Variants in PNPLA3 observed in about 807,000 individuals in gnomAD.
PNPLA3 encodes 1-acylglycerol-3-phosphate O-acyltransferase PNPLA3.
PNPLA3 carries 42 observed loss-of-function variants against 43.1 expected under a neutral mutation model. That is an observed-to-expected ratio of 0.97 (90% CI 0.76 to 1.26). PNPLA3 has a LOEUF of 1.26. Among genes scored for constraint, PNPLA3 ranks in the 50% most tolerant of loss-of-function variants. The pLI, the probability that PNPLA3 is intolerant of heterozygous loss-of-function variation, is 0.00. For missense variants in PNPLA3, 647 were observed against 621.4 expected, an observed-to-expected ratio of 1.04 and a Z score of -0.44; for synonymous variants, 272 against 253.6, an observed-to-expected ratio of 1.07 and a Z score of -0.69.
intron 3 of PNPLA3, among the ~76,000 whole-genome samples, chr22:43,929,807 G>T (rs920670310): frequency 6.6e-6 from 1 of 151,946 alleles, no homozygotes; most frequent in African/African-American, 2.4e-5. Flanking sequence ...ATATTGGCCA[G>T]GCTGGTCTCC....
rs769626854 is a variant in PNPLA3, at chr22:43,937,193, G to A, written c.900G>A (p.Glu300=). 3 of 1,614,188 alleles carry A rather than the reference G, an allele frequency of 1.9e-6. No homozygotes were observed. Among genetic ancestry groups the A allele is most frequent in the South Asian group, 2.2e-5 (2 of 91,090 alleles). Residue 300 remains glutamate (E), a synonymous_variant, in exon 6 of 9, where the codon GAG becomes GAA. Coordinates refer to ENST00000216180, the MANE Select transcript of PNPLA3 (RefSeq NM_025225.3). ...AALAVRLEGD[E]LLDHLRLSIL... The stretch of plus-strand genomic sequence containing the variant: ...TGGCTGTGAGGCTGGAGGGAGATGA[G>A]CTGCTAGACCACCTGCGTCTCAGCA...
chr22:43,931,993 C>A (rs977138814), intron 3 of PNPLA3, among the ~76,000 whole-genome samples: 1 of 152,208 alleles, frequency 6.6e-6, no homozygotes. Context: ...CCAAACTCTG[C>A]TCTGAAATTC....
chr22:43,941,120 G>T (rs888106467), intron 7 of PNPLA3, among the ~76,000 whole-genome samples: 1 of 128,782 alleles, frequency 7.8e-6, no homozygotes, highest in Admixed American at 9.4e-5. Flanking sequence ...CTGCACTCTA[G>T]CCTGGGCTAC....
Position 43,924,109 on chromosome 22 carries a change from G to T in PNPLA3, c.187+11G>T. ...CCGGTATCCCGCTGGGTGCGTCTGGGGACGCTGCCCGGGCTCCACGTGCGG... is the reference window on the plus strand; with the variant it reads ...CCGGTATCCCGCTGGGTGCGTCTGGTGACGCTGCCCGGGCTCCACGTGCGG... On this transcript the variant is annotated intron_variant, in intron 1 of 8. Transcript: ENST00000216180. 6.5e-7 allele frequency: 1 copy of T among 1,532,280 alleles called. No homozygotes were observed. Among genetic ancestry groups the T allele is most frequent in the South Asian group, 1.2e-5 (1 of 83,856 alleles). 94.9% of individuals were successfully genotyped at this position (1,532,280 alleles called of 1,614,324 possible). A position where few individuals can be genotyped will look rare whatever the true frequency, so the allele number is the denominator to read the frequency against.
intron 3 of PNPLA3, 66 bp from the exon 4 acceptor site, chr22:43,932,812 G>C: frequency 1.4e-6 from 2 of 1,453,404 alleles, no homozygotes; most frequent in South Asian, 2.3e-5. Context: ...GTGAAAGCTT[G>C]TTAAGCACTT....
rs375555209 is a variant in PNPLA3, at chr22:43,937,297, G to A, written c.979+25G>A. ...GGTACCCACTCCTCGGGGTGAGCAC[G>A]GGCAGCACCTTGTTTTCTTTCTTGT... is the stretch of plus-strand genomic sequence containing the variant. On this transcript the variant is annotated intron_variant, in intron 6 of 8. Transcript: ENST00000216180. 347 of 1,598,902 alleles carry A rather than the reference G, an allele frequency of 2.2e-4. No homozygotes were observed. In the African/African-American group the frequency reaches 3.9e-3, roughly 18 times the overall value.
intron 4 of PNPLA3, 69 bp downstream of exon 4, chr22:43,933,156 C>A: frequency 2.2e-6 from 3 of 1,377,330 alleles, no homozygotes; most frequent in Non-Finnish European, 3.1e-6. Flanking sequence ...TTGCCAGGAG[C>A]TACCAGTTAC....
At chr22:43,926,570 C>T (rs1453990637) in intron 1 of PNPLA3, among the ~76,000 whole-genome samples, 1 of 152,202 alleles carries the variant, frequency 6.6e-6, no homozygotes, top group Non-Finnish European at 1.5e-5. Context: ...TAGGAATACA[C>T]TGGAAGCCAT....
chr22:43,939,928 A>G (rs1390526396), intron 6 of PNPLA3, 65 bp from the exon 7 acceptor site: 4 of 1,612,656 alleles, frequency 2.5e-6, no homozygotes, highest in African/African-American at 1.3e-5. Context: ...CTAAGCACCA[A>G]CAGAGTAAAG....
At chr22:43,939,903 T>C in intron 6 of PNPLA3, 90 bp from the exon 7 acceptor site, 3 of 1,585,686 alleles carry the variant, frequency 1.9e-6, no homozygotes, top group Non-Finnish European at 2.6e-6. Flanking sequence ...AGGACGGGCG[T>C]ATTTTATGGA....
chr22:43,926,582 A>G lies in PNPLA3; in HGVS notation c.188-353A>G, dbSNP rs77333234. On this transcript the variant is annotated intron_variant, in intron 1 of 8. Transcript: ENST00000216180. ...TGGTAGGAATACACTGGAAGCCATGATGTCATTGTGCATTTTCTAGAAGCC... is the reference window on the plus strand; with the variant it reads ...TGGTAGGAATACACTGGAAGCCATGGTGTCATTGTGCATTTTCTAGAAGCC... 1.2e-3 allele frequency among the ~76,000 whole-genome samples: 180 copies of G among 152,350 alleles called. 1 individual carries two copies. The highest frequency in any genetic ancestry group is 4.2e-3 in the African/African-American group (174 of 41,576).
Position 43,923,964 on chromosome 22 carries a change from T to C in PNPLA3, c.53T>C (p.Leu18Pro). ...WSLSFAGCGFLGFYHVGATRC... is the reference protein window; with the variant it reads ...WSLSFAGCGFPGFYHVGATRC... ...TTGTCCTTCGCGGGCTGCGGCTTCC[T>C]GGGCTTCTACCACGTCGGGGCGACC... Residue 18 changes from leucine to proline, a missense_variant, in exon 1 of 9, where the codon CTG becomes CCG. Transcript: ENST00000216180. The C allele has an allele frequency of 6.3e-7, 1 of 1,584,822 alleles. No individual in the cohort carries two copies. Among genetic ancestry groups the C allele is most frequent in the Non-Finnish European group, 8.5e-7 (1 of 1,173,924 alleles).
Position 43,938,587 on chromosome 22 carries a change from C to G in PNPLA3, c.979+1315C>G, listed in dbSNP as rs2050010992. On this transcript the variant is annotated intron_variant, in intron 6 of 8. Transcript: ENST00000216180. Reference sequence around the variant, plus strand: ...AAGGTGCCATACACTTTTAAACAACCAGATCTCATGAGAACACATTCACTA... The same window carrying G: ...AAGGTGCCATACACTTTTAAACAACGAGATCTCATGAGAACACATTCACTA... 2.6e-5 allele frequency among the ~76,000 whole-genome samples: 4 copies of G among 152,188 alleles called. No homozygotes were observed. In the South Asian group the frequency reaches 8.3e-4, roughly 32 times the overall value.
In PNPLA3 at chr22:43,937,109, G is replaced by T. The variant is rs776578765; in HGVS notation, c.816G>T (p.Glu272Asp). 15 of 1,614,120 alleles carry T rather than the reference G, an allele frequency of 9.3e-6. No homozygotes were observed. The African/African-American group carries it at 1.9e-4, about 20-fold the overall frequency. The change falls in exon 6 of 9, where the codon GAG (glutamate) becomes GAT (aspartate). Residue 272 changes from glutamate to aspartate, a missense_variant. Glu to Asp is a conservative substitution (Grantham distance 45). Coordinates refer to ENST00000216180, the MANE Select transcript of PNPLA3 (RefSeq NM_025225.3). The stretch of plus-strand genomic sequence containing the variant: ...CATCCTCAGAAGGGATGGATCCTGA[G>T]GTCGCCATGCCCAGCTGGGCAAACA... ...LKSSSEGMDP[E>D]VAMPSWANMS...
chr22:43,944,552 G>A (rs1035247912), intron 7 of PNPLA3, 139 bp from the exon 8 acceptor site: 1 of 686,626 alleles, frequency 1.5e-6, no homozygotes, highest in Non-Finnish European at 2.6e-6. Context: ...GCTTGTCCTT[G>A]TCCTAGCATC....
intron 7 of PNPLA3, among the ~76,000 whole-genome samples, chr22:43,941,523 A>T (rs941289291): frequency 1.3e-5 from 2 of 152,176 alleles, no homozygotes; most frequent in Admixed American, 6.5e-5. Flanking sequence ...AGGAGACTCA[A>T]TCTGGTTACT....
intron 3 of PNPLA3, 39 bp from the exon 4 acceptor site, chr22:43,932,839 C>T: frequency 6.3e-7 from 1 of 1,588,990 alleles, no homozygotes; most frequent in Non-Finnish European, 8.6e-7. Context: ...TAACCCAGAG[C>T]TTCAGACAGT....
chr22:43,927,166 A>G lies in PNPLA3; in HGVS notation c.419A>G (p.Asp140Gly). The G allele has an allele frequency of 6.2e-7, 1 of 1,613,644 alleles. No homozygotes were observed. The highest frequency in any genetic ancestry group is 8.5e-7 in the Non-Finnish European group (1 of 1,179,570). The change falls in exon 2 of 9, where the codon GAT (aspartate) becomes GGT (glycine). Residue 140 changes from aspartate to glycine, a missense_variant and splice_region_variant. Physicochemically the swap from Asp to Gly is moderately conservative, Grantham distance 94. Transcript: ENST00000216180. ...SDFRSKDEVV[D>G]ALVCSCFIPF... ...TTTCGGTCCAAAGACGAAGTCGTGGATGTAAGCAGTTTGCTTATCTGGACG... is the reference window on the plus strand; with the variant it reads ...TTTCGGTCCAAAGACGAAGTCGTGGGTGTAAGCAGTTTGCTTATCTGGACG...
At chr22:43,938,649 T>C (rs4823178) in intron 6 of PNPLA3, among the ~76,000 whole-genome samples, 30,951 of 152,238 alleles carry the variant, frequency 0.2, 3,663 homozygotes, top group East Asian at 0.39. Flanking sequence ...TCCGCCCCCA[T>C]GATCCAATCA....
Sources: gnomAD v4.1 joint callset for allele counts (sites outside exome capture counted in the v4.1 genomes callset) on GRCh38, gnomAD v4.1.1 for gene constraint, MANE v1.5 for transcripts, NCBI Gene and HGNC (gene_info 2026-07-23, HGNC 2026-07-21) for gene names.